BIRC2: variants seen among roughly 807,000 people sequenced by gnomAD.
The protein encoded by BIRC2 is baculoviral IAP repeat containing 2.
BIRC2 carries 18 observed loss-of-function variants against 60.9 expected under a neutral mutation model. That is an observed-to-expected ratio of 0.30 (90% CI 0.20 to 0.44). The LOEUF is 0.44. BIRC2 is among the 20% of genes least tolerant of loss of function. BIRC2 has a pLI of 1.00. For missense variants in BIRC2, 701 were observed against 728.5 expected (o/e 0.96, Z 0.43); for synonymous variants, 282 against 247.7 (o/e 1.14, Z -1.30).
intron 5 of BIRC2, among the ~76,000 whole-genome samples, chr11:102,366,769 C>T (rs540944454): frequency 7.2e-5 from 11 of 152,256 alleles, no homozygotes; most frequent in South Asian, 2.1e-4. Flanking sequence ...ACATCTCCAC[C>T]GAGCTGCCAG....
intron 3 of BIRC2, among the ~76,000 whole-genome samples, chr11:102,358,073 A>C (rs1280590868): frequency 6.6e-6 from 1 of 152,122 alleles, no homozygotes; most frequent in African/African-American, 2.4e-5. Context: ...ATTTCTGGTT[A>C]CATACCATTG....
intron 1 of BIRC2, chr11:102,347,584 A>G (rs977103156): frequency 1.3e-5 from 2 of 152,274 alleles, no homozygotes; most frequent in Admixed American, 1.3e-4. Context: ...CGAGACTTGC[A>G]GTCAAAGCGA....
At chr11:102,351,302 T>C (rs532967551) in intron 3 of BIRC2, among the ~76,000 whole-genome samples, 11 of 152,216 alleles carry the variant, frequency 7.2e-5, no homozygotes, top group Admixed American at 3.9e-4. Context: ...ATAAGTCAAA[T>C]GTAAAAGTCC....
intron 5 of BIRC2, among the ~76,000 whole-genome samples, chr11:102,364,174 T>TATATATATATATATATATATAAAA: frequency 1.3e-5 from 1 of 78,114 alleles, no homozygotes; most frequent in East Asian, 4.6e-4. Context: ...TATATATATA[T>TATATATATATATATATATATAAAA]ACACACACAC....
intron 4 of BIRC2, 37 bp downstream of exon 4, chr11:102,363,011 G>T: frequency 6.9e-7 from 1 of 1,439,502 alleles, no homozygotes; most frequent in East Asian, 2.3e-5. Flanking sequence ...ATTGAATTCT[G>T]CTTTATAATA....
intron 5 of BIRC2, among the ~76,000 whole-genome samples, chr11:102,364,961 A>G (rs1951537039): frequency 6.6e-6 from 1 of 152,192 alleles, no homozygotes; most frequent in African/African-American, 2.4e-5. Flanking sequence ...TCACTTTGTC[A>G]ATCTTTAAAA....
At position 102,374,358 on chromosome 11, in the gene BIRC2, C is replaced by G. The variant is rs1951675234; in HGVS notation, c.1367-3138C>G. Among the ~76,000 whole-genome samples the G allele has an allele frequency of 2.0e-5, 3 of 149,154 alleles. No homozygotes were observed. In the South Asian group the frequency reaches 6.4e-4, roughly 32 times the overall value. On this transcript the variant is annotated intron_variant, in intron 6 of 8. Transcript: ENST00000227758. The stretch of plus-strand genomic sequence containing the variant: ...CAGATGGGTTTTCGGTGTGGATGTC[C>G]TTTCTGTTTGTTAGTTTTCCTTCTA...
intron 3 of BIRC2, among the ~76,000 whole-genome samples, chr11:102,362,028 T>G (rs1951490455): frequency 1.3e-5 from 2 of 152,194 alleles, no homozygotes; most frequent in Admixed American, 1.3e-4. Flanking sequence ...TTCTTTAACA[T>G]TGTCTTTTGA....
At chr11:102,358,715 A>G (rs1309251021) in intron 3 of BIRC2, among the ~76,000 whole-genome samples, 1 of 152,206 alleles carries the variant, frequency 6.6e-6, no homozygotes, top group African/African-American at 2.4e-5. Flanking sequence ...CTTTCTCATT[A>G]TATAATTACT....
Position 102,368,550 on chromosome 11 carries a change from T to G in BIRC2, c.1366+2T>G. 1 of 1,612,166 alleles carries G rather than the reference T, an allele frequency of 6.2e-7. No homozygotes were observed. The highest frequency in any genetic ancestry group is 8.5e-7 in the Non-Finnish European group (1 of 1,179,232). On this transcript the variant is annotated splice_donor_variant, in intron 6 of 8. Transcript: ENST00000227758. LOFTEE classifies it high-confidence loss of function. ...AACAAGCTGAAGAAATGGCATCAGG[T>G]ATTTGGGGATGTTAGTCACCTGCAT...
In BIRC2 at chr11:102,362,898, G is replaced by A. The variant is rs780355319; in HGVS notation, c.998G>A (p.Cys333Tyr). ...WVEHAKWFPRCEFLIRMKGQE... is the reference protein window; with the variant it reads ...WVEHAKWFPRYEFLIRMKGQE... ...ATAATTTTCCTCATATGTTTTAGGT[G>A]TGAGTTCTTGATACGAATGAAAGGC... The change falls in exon 4 of 9, where the codon TGT becomes TAT. Residue 333 changes from cysteine to tyrosine, a missense_variant and splice_region_variant. By Grantham distance (194) the Cys-to-Tyr change is radical. Around this residue, in one of 4 missense-constraint regions of BIRC2, gnomAD observed 39 missense variants for 69.8 expected, o/e 0.56. Transcript: ENST00000227758. The A allele has an allele frequency of 6.2e-7, 1 of 1,610,850 alleles. No individual in the cohort carries two copies. Among genetic ancestry groups the A allele is most frequent in the Admixed American group, 1.7e-5 (1 of 59,958 alleles).
rs369075024 is a variant in BIRC2, at chr11:102,372,963, C to T, written c.1366+4415C>T. On this transcript the variant is annotated intron_variant, in intron 6 of 8. Transcript: ENST00000227758. ...TTTTGATCTTTGTTGGTTTAAAGTC[C>T]GTTTTATCAGAGACTAGGATTGCAA... Among the ~76,000 whole-genome samples the T allele has an allele frequency of 4.6e-5, 7 of 151,262 alleles. No individual in the cohort carries two copies. The East Asian group carries it at 5.8e-4, about 13-fold the overall frequency.
At chr11:102,354,950 T>G (rs968678220) in intron 3 of BIRC2, among the ~76,000 whole-genome samples, 20 of 150,748 alleles carry the variant, frequency 1.3e-4, no homozygotes, top group Non-Finnish European at 2.5e-4. Flanking sequence ...TTGGGTTTTT[T>G]TTTTTTTTTT....
chr11:102,378,287 G>T lies in BIRC2; in HGVS notation c.*104G>T. On this transcript the variant is annotated 3_prime_UTR_variant, in exon 9 of 9. Coordinates refer to ENST00000227758, the MANE Select transcript of BIRC2 (RefSeq NM_001166.5). ...AAGGGAATTATGAGTTTTTCAATTA[G>T]TAACATTCATGTTCTAGTCTGCTTT... 1.1e-6 allele frequency: 1 copy of T among 896,098 alleles called. No individual in the cohort carries two copies. The highest frequency in any genetic ancestry group is 1.6e-6 in the Non-Finnish European group (1 of 620,954). The allele number at this position is 896,098 out of a possible 1,614,324, so 55.5% of individuals were successfully genotyped here. A position where few individuals can be genotyped will look rare whatever the true frequency, so the allele number is the denominator to read the frequency against.
At chr11:102,347,861 T>A (rs1398868338) in intron 1 of BIRC2, 1 of 152,230 alleles carries the variant, frequency 6.6e-6, no homozygotes, top group Non-Finnish European at 1.5e-5. Context: ...TCCCATAGTT[T>A]CTATTCTTTT....
intron 6 of BIRC2, among the ~76,000 whole-genome samples, chr11:102,376,270 A>G (rs1333730602): frequency 6.6e-6 from 1 of 152,234 alleles, no homozygotes; most frequent in African/African-American, 2.4e-5. Context: ...AGATTAGAAT[A>G]GGAGGTTTGA....
chr11:102,354,456 G>A lies in BIRC2; in HGVS notation c.995+3513G>A, dbSNP rs915768130. On this transcript the variant is annotated intron_variant, in intron 3 of 8. Transcript: ENST00000227758. ...ACTCCTGATCTCAAGTGATCCACCC[G>A]GAGTGGATGGGATTATAGGCGTGAA... Among the ~76,000 whole-genome samples the A allele has an allele frequency of 4.6e-5, 7 of 152,178 alleles. No homozygotes were observed. The East Asian group carries it at 5.8e-4, about 13-fold the overall frequency.
chr11:102,362,738 A>G (rs1019612985), intron 3 of BIRC2, 158 bp from the exon 4 acceptor site: 8 of 545,112 alleles, frequency 1.5e-5, no homozygotes, highest in Non-Finnish European at 2.3e-5. Flanking sequence ...GTTTTATGAT[A>G]ATTTTGTTCC....
Position 102,349,918 on chromosome 11 carries a change from A to C in BIRC2, c.64A>C (p.Met22Leu). 1 of 1,614,188 alleles carries C rather than the reference A, an allele frequency of 6.2e-7. No individual in the cohort carries two copies. The highest frequency in any genetic ancestry group is 8.5e-7 in the Non-Finnish European group (1 of 1,180,004). The change falls in exon 2 of 9, where the codon ATG (methionine) becomes CTG (leucine). Residue 22 changes from methionine to leucine, a missense_variant. Met to Leu is a conservative substitution (Grantham distance 15). Coordinates refer to ENST00000227758, the MANE Select transcript of BIRC2 (RefSeq NM_001166.5). ...GPSYQNIKSI[M>L]EDSTILSDWT... is the part of the protein sequence containing the mutation. ...CTCGTATCAAAACATTAAGAGTATA[A>C]TGGAAGATAGCACGATCTTGTCAGA...
Sources: gnomAD v4.1 joint callset for allele counts (sites outside exome capture counted in the v4.1 genomes callset) on GRCh38, gnomAD v4.1.1 for gene constraint, gnomAD v4.1.1 regional missense constraint, MANE v1.5 for transcripts, NCBI Gene and HGNC (gene_info 2026-07-23, HGNC 2026-07-21) for gene names.